SZT2: variants seen among roughly 807,000 people sequenced by gnomAD.
SZT2 encodes the protein KICSTOR complex protein SZT2.
Under a neutral mutation model 404.2 loss-of-function variants are expected in SZT2, and 216 were observed. The ratio of observed to expected loss-of-function variants is 0.53; its 90% CI spans 0.48 to 0.60. SZT2 has a LOEUF of 0.60. SZT2 is among the 20% of genes least tolerant of loss of function. The pLI is 0.00. For synonymous variants in SZT2, 1,693 were observed against 1,749.9 expected, an observed-to-expected ratio of 0.97 and a Z score of 0.81; for missense variants, 3,857 against 4,459.2, an observed-to-expected ratio of 0.86 and a Z score of 3.85.
In SZT2 at chr1:43,449,255, C is replaced by G. The variant is rs145777142; in HGVS notation, c.10086+527C>G. On this transcript the variant is annotated intron_variant, in intron 70 of 71. Transcript: ENST00000634258. ...GTAGAGAGAACTGTGGTGGTGGACACGAGCACAGGGCATTAAGGAGCCCAC... is the reference window on the plus strand; with the variant it reads ...GTAGAGAGAACTGTGGTGGTGGACAGGAGCACAGGGCATTAAGGAGCCCAC... 228 of 164,854 alleles carry G rather than the reference C, an allele frequency of 1.4e-3. 1 individual carries two copies. The East Asian group carries it at 0.025, about 18-fold the overall frequency. 10.2% of individuals were successfully genotyped at this position (164,854 alleles called of 1,614,324 possible).
Position 43,403,685 on chromosome 1 carries a change from C to A in SZT2, c.238C>A (p.Leu80Ile). ...PDEPVVPRPF[L>I]LVPSTRVTFL... ...TGAACCAGTGGTCCCAAGGCCATTC[C>A]TCCTGGTACCTTCCACCCGGGTCAC... The change falls in exon 3 of 72, where the codon CTC (leucine) becomes ATC (isoleucine). Residue 80 changes from leucine (L) to isoleucine (I), a missense_variant. Transcript: ENST00000634258. The A allele has an allele frequency of 6.2e-7, 1 of 1,614,156 alleles. No individual in the cohort carries two copies. Among genetic ancestry groups the A allele is most frequent in the East Asian group, 2.2e-5 (1 of 44,882 alleles).
In SZT2 at chr1:43,443,933, C is replaced by T. The variant is rs942465283; in HGVS notation, c.8825+137C>T. Reference sequence around the variant, plus strand: ...GTGCATGTTTATCCCACCAGGCTTGCACTCATGTGAGGGTCTCAGATACTT... The same window carrying T: ...GTGCATGTTTATCCCACCAGGCTTGTACTCATGTGAGGGTCTCAGATACTT... On this transcript the variant is annotated intron_variant, in intron 62 of 71. Coordinates refer to ENST00000634258, the MANE Select transcript of SZT2 (RefSeq NM_001365999.1). The T allele has an allele frequency of 2.1e-5, 22 of 1,059,188 alleles. No homozygotes were observed. In the Admixed American group the frequency reaches 3.5e-4, roughly 17 times the overall value. The allele number at this position is 1,059,188 out of a possible 1,614,324, so 65.6% of individuals were successfully genotyped here.
chr1:43,395,589 C>G (rs1360426241), intron 1 of SZT2, among the ~76,000 whole-genome samples: 1 of 152,240 alleles, frequency 6.6e-6, no homozygotes, highest in Non-Finnish European at 1.5e-5. Context: ...GCATGGGCCA[C>G]TGCACGTGGC....
In SZT2 at chr1:43,450,011, G is replaced by C. The variant is rs1656192643; in HGVS notation, c.10087-92G>C. 1 of 1,490,834 alleles carries C rather than the reference G, an allele frequency of 6.7e-7. No individual in the cohort carries two copies. The highest frequency in any genetic ancestry group is 1.4e-5 in the African/African-American group (1 of 72,416). The allele number at this position is 1,490,834 out of a possible 1,614,324, so 92.4% of individuals were successfully genotyped here. On this transcript the variant is annotated intron_variant, in intron 70 of 71. Transcript: ENST00000634258. This position sits in a 1 kb window ranked among gnomAD's most constrained non-coding sequence, Gnocchi z 4.3. Reference sequence around the variant, plus strand: ...TGCAGGCGGGGTGAGGTGTGGAGATGGAAGTAGGCCTCTCCTCATCCTCCC... The same window carrying C: ...TGCAGGCGGGGTGAGGTGTGGAGATCGAAGTAGGCCTCTCCTCATCCTCCC...
rs1437213057 is a variant in SZT2 at position 43,431,730 on chromosome 1, G to A, written c.5103G>A (p.Leu1701=). The part of the protein sequence containing the change: ...ETTMNEIRWL[L]EDEMVGALRR... Reference sequence around the variant, plus strand: ...TCTAACTGTAGATCCGCTGGTTGTTGGAAGATGAGATGGTGGGGGCACTCC... The same window carrying A: ...TCTAACTGTAGATCCGCTGGTTGTTAGAAGATGAGATGGTGGGGGCACTCC... Residue 1701 remains leucine, a synonymous_variant, in exon 36 of 72, where the codon TTG becomes TTA. Transcript: ENST00000634258. 1.2e-6 allele frequency: 2 copies of A among 1,614,046 alleles called. No individual in the cohort carries two copies. The highest frequency in any genetic ancestry group is 2.7e-5 in the African/African-American group (2 of 74,918).
chr1:43,430,072 T>A lies in SZT2; in HGVS notation c.4370T>A (p.Phe1457Tyr), dbSNP rs147201727. Residue 1457 changes from phenylalanine (F) to tyrosine (Y), a missense_variant, in exon 30 of 72, where the codon TTC becomes TAC. This residue lies in a region of SZT2 where 1,725 missense variants were observed against 1,881.0 expected (regional missense o/e 0.92). Coordinates refer to ENST00000634258, the MANE Select transcript of SZT2 (RefSeq NM_001365999.1). Reference protein sequence around the residue: ...FRTVPSNPHYFFYCPPSSRRE... With the variant: ...FRTVPSNPHYYFYCPPSSRRE... ...ACAGTGCCTTCCAATCCCCACTACT[T>A]CTTCTATTGCCCTCCATCCAGCAGG... 47 of 1,614,086 alleles carry A rather than the reference T, an allele frequency of 2.9e-5. No homozygotes were observed. Among genetic ancestry groups the A allele is most frequent in the East Asian group, 2.9e-4 (13 of 44,864 alleles).
chr1:43,398,245 C>T (rs1410906888), intron 1 of SZT2, among the ~76,000 whole-genome samples: 2 of 152,116 alleles, frequency 1.3e-5, no homozygotes, highest in African/African-American at 2.4e-5. Context: ...TCCAGTTTGC[C>T]GTGCTTAGAA....
rs754803316 is a variant in SZT2, at chr1:43,428,369, C to T, written c.4049C>T (p.Thr1350Ile). 6.2e-7 allele frequency: 1 copy of T among 1,614,056 alleles called. No individual in the cohort carries two copies. The highest frequency in any genetic ancestry group is 8.5e-7 in the Non-Finnish European group (1 of 1,180,040). ...TPFLLALCGH[T>I]WGLPHAPPSP... is the part of the protein sequence containing the mutation. ...TTTCTCCTTGCATTGTGTGGCCACACTTGGGGTTTGCCTCATGCACCCCCA... is the reference window on the plus strand; with the variant it reads ...TTTCTCCTTGCATTGTGTGGCCACATTTGGGGTTTGCCTCATGCACCCCCA... Residue 1350 changes from threonine (T) to isoleucine (I), a missense_variant, in exon 28 of 72, where the codon ACT (threonine) becomes ATT (isoleucine). Physicochemically the swap from Thr to Ile is moderately conservative, Grantham distance 89. Transcript: ENST00000634258.
At chr1:43,395,944 A>G (rs1042200327) in intron 1 of SZT2, among the ~76,000 whole-genome samples, 5 of 152,218 alleles carry the variant, frequency 3.3e-5, no homozygotes, top group Non-Finnish European at 7.3e-5. Context: ...AACACTCTTA[A>G]GCTTCACCAT....
chr1:43,446,433 C>T lies in SZT2; in HGVS notation c.9072+17C>T, dbSNP rs372341527. ...AACTCACAGGTATGTGAATGAGCTG[C>T]GGGCACAGTCAGTGCACCCCAGTGT... On this transcript the variant is annotated intron_variant, in intron 65 of 71. Coordinates refer to ENST00000634258, the MANE Select transcript of SZT2 (RefSeq NM_001365999.1). The T allele has an allele frequency of 1.2e-5, 20 of 1,614,044 alleles. No homozygotes were observed. The highest frequency in any genetic ancestry group is 6.7e-5 in the Admixed American group (4 of 60,014).
In SZT2 at chr1:43,404,584, G is replaced by C. The variant is rs779184973; in HGVS notation, c.498+34G>C. On this transcript the variant is annotated intron_variant, in intron 4 of 71. Transcript: ENST00000634258. Reference sequence around the variant, plus strand: ...TCATCTCTCCAAGTTTGTACCCTCAGACCAAATTTCTATTAGTCCTCTGAC... The same window carrying C: ...TCATCTCTCCAAGTTTGTACCCTCACACCAAATTTCTATTAGTCCTCTGAC... 12 of 1,594,712 alleles carry C rather than the reference G, an allele frequency of 7.5e-6. 1 individual carries two copies. In the South Asian group the frequency reaches 1.2e-4, roughly 16 times the overall value.
At chr1:43,419,604 A>G in intron 7 of SZT2, 130 bp from the exon 8 acceptor site, 1 of 721,880 alleles carries the variant, frequency 1.4e-6, no homozygotes, top group Admixed American at 2.5e-5. Flanking sequence ...TCCTGGGAAA[A>G]CACTGGCCTA....
Position 43,440,123 on chromosome 1 carries a change from G to A in SZT2, c.7210+75G>A, listed in dbSNP as rs543893309. Reference sequence around the variant, plus strand: ...GCAGGACAGTGTGGCAGGTGAGCGTGCAAAGGTGGGGTTTAGGGGAAGCAT... The same window carrying A: ...GCAGGACAGTGTGGCAGGTGAGCGTACAAAGGTGGGGTTTAGGGGAAGCAT... On this transcript the variant is annotated intron_variant, in intron 51 of 71. Coordinates refer to ENST00000634258, the MANE Select transcript of SZT2 (RefSeq NM_001365999.1). 1,536 of 1,583,158 alleles carry A rather than the reference G, an allele frequency of 9.7e-4. 28 individuals carry two copies. In the South Asian group the frequency reaches 0.016, roughly 17 times the overall value.
In SZT2 at chr1:43,448,327, G is replaced by A. The variant is rs1311489908; in HGVS notation, c.9812G>A (p.Gly3271Glu). The change falls in exon 69 of 72, where the codon GGG becomes GAG. Residue 3271 changes from glycine to glutamate, a missense_variant. Transcript: ENST00000634258. The surrounding 1 kb of genome is among the most constrained non-coding windows in gnomAD (Gnocchi z 4.2). ...GCTCAGCTGGTGCGGCTGGCTGGAG[G>A]GCACTGCCGTCGGGACACCCTTTGG... ...RLAQLVRLAG[G>E]HCRRDTLWKR... is the part of the protein sequence containing the mutation. 6.4e-7 allele frequency: 1 copy of A among 1,552,838 alleles called. No homozygotes were observed.
At chr1:43,445,873 A>G in intron 62 of SZT2, 21 bp from the exon 63 acceptor site, 5 of 1,611,234 alleles carry the variant, frequency 3.1e-6, no homozygotes, top group Non-Finnish European at 3.4e-6. Context: ...TCATCCTCTT[A>G]TCCCTCCTCC....
rs780094265 is a variant in SZT2, at chr1:43,442,022, G to A, written c.7765G>A (p.Gly2589Ser). The change falls in exon 56 of 72, where the codon GGC becomes AGC. Residue 2589 changes from glycine (G) to serine (S), a missense_variant. This residue lies in a region of SZT2 where 573 missense variants were observed against 592.4 expected (regional missense o/e 0.97). Transcript: ENST00000634258. This position sits in a 1 kb window ranked among gnomAD's most constrained non-coding sequence, Gnocchi z 4.5. ...QHLGSEPEIF[G>S]PCSPGQLGPS... ...TAGGGGTTCAGAGCCAGAGATCTTC[G>A]GCCCTTGTTCCCCTGGGCAACTGGG... The A allele has an allele frequency of 1.4e-5, 22 of 1,613,454 alleles. No individual in the cohort carries two copies. Among genetic ancestry groups the A allele is most frequent in the South Asian group, 1.1e-4 (10 of 91,004 alleles).
At chr1:43,449,941 G>A in intron 70 of SZT2, 162 bp from the exon 71 acceptor site, 2 of 789,694 alleles carry the variant, frequency 2.5e-6, no homozygotes, top group Non-Finnish European at 2.1e-6. Flanking sequence ...GCGAGGATGA[G>A]GACTGAGGCT....
At position 43,432,455 on chromosome 1, in the gene SZT2, G is replaced by A. The variant is rs199891067; in HGVS notation, c.5442+16G>A. ...CGAAGGGGAGGTGAGTCTCACCTGG[G>A]AATGGAGGGGGGTGGTGGGTGTGTG... is the stretch of plus-strand genomic sequence containing the variant. On this transcript the variant is annotated intron_variant, in intron 37 of 71. Transcript: ENST00000634258. The A allele has an allele frequency of 1.2e-4, 186 of 1,559,048 alleles. 1 individual carries two copies. The East Asian group carries it at 2.1e-3, about 18-fold the overall frequency.
In SZT2 at chr1:43,442,251, C is replaced by T. The variant is rs1655143512; in HGVS notation, c.7874-17C>T. ...TCTGTTCCCAGGCCCCTATTGTGCCCCTCCCCCACCCTGTAGCTGCCAAAG... is the reference window on the plus strand; with the variant it reads ...TCTGTTCCCAGGCCCCTATTGTGCCTCTCCCCCACCCTGTAGCTGCCAAAG... On this transcript the variant is annotated splice_polypyrimidine_tract_variant and intron_variant, in intron 56 of 71. Transcript: ENST00000634258. This position sits in a 1 kb window ranked among gnomAD's most constrained non-coding sequence, Gnocchi z 4.5. The T allele has an allele frequency of 1.9e-6, 3 of 1,608,984 alleles. No homozygotes were observed. The highest frequency in any genetic ancestry group is 1.7e-4 in the Middle Eastern group (1 of 6,056).
Sources: gnomAD v4.1 joint callset for allele counts (sites outside exome capture counted in the v4.1 genomes callset) on GRCh38, gnomAD v4.1.1 for gene constraint, gnomAD v4.1.1 regional missense constraint, Gnocchi (gnomAD v3.1) non-coding constraint, MANE v1.5 for transcripts, NCBI Gene and HGNC (gene_info 2026-07-23, HGNC 2026-07-21) for gene names.